Variants in GPC5 observed in about 807,000 individuals in gnomAD.
GPC5 encodes glypican-5.
A neutral mutation model predicts 53.9 loss-of-function variants in GPC5; 47 were observed. The ratio of observed to expected loss-of-function variants is 0.87; its 90% CI spans 0.69 to 1.11. The LOEUF is 1.11. Ranked by LOEUF, GPC5 falls within the 50% of genes most tolerant of loss-of-function variation. The pLI, the probability that GPC5 is intolerant of heterozygous loss-of-function variation, is 0.00. For missense variants in GPC5, 748 were observed against 713.1 expected (o/e 1.05, Z -0.56); for synonymous variants, 286 against 263.3 (o/e 1.09, Z -0.84).
intron 7 of GPC5, among the ~76,000 whole-genome samples, chr13:92,719,588 T>C (rs9561127): frequency 0.051 from 7,827 of 152,204 alleles, 582 homozygotes; most frequent in East Asian, 0.32. Flanking sequence ...TAAAAATAGA[T>C]TTATTTTCCA....
intron 7 of GPC5, among the ~76,000 whole-genome samples, chr13:92,858,594 T>G (rs772112330): frequency 6.6e-6 from 1 of 152,020 alleles, no homozygotes; most frequent in African/African-American, 2.4e-5. Context: ...TAGTTAACAG[T>G]GAGAGTTAAA....
intron 2 of GPC5, among the ~76,000 whole-genome samples, chr13:91,547,196 G>C (rs2030345567): frequency 6.6e-6 from 1 of 152,088 alleles, no homozygotes; most frequent in South Asian, 2.1e-4. Context: ...TATCCAACTA[G>C]AGATGTTCAG....
chr13:91,469,494 T>C (rs1435941352), intron 2 of GPC5, among the ~76,000 whole-genome samples: 1 of 151,488 alleles, frequency 6.6e-6, no homozygotes, highest in Admixed American at 6.6e-5. Flanking sequence ...CTTGAACTCT[T>C]GAGCACCAGG....
intron 5 of GPC5, among the ~76,000 whole-genome samples, chr13:91,779,889 C>G (rs1405079907): frequency 6.6e-6 from 1 of 151,220 alleles, no homozygotes; most frequent in Admixed American, 6.6e-5. Context: ...TTATAGTTAA[C>G]TTAAAAAAAA....
intron 6 of GPC5, among the ~76,000 whole-genome samples, chr13:92,000,510 G>GTT (rs1488420251): frequency 6.6e-6 from 1 of 152,074 alleles, no homozygotes; most frequent in Non-Finnish European, 1.5e-5. Flanking sequence ...TGTTTGGAAG[G>GTT]TTGTAGGAAT....
chr13:91,770,704 T>TGTGTGTG lies in GPC5; in HGVS notation c.1280+14284_1280+14285insGTGTGTG, dbSNP rs2037607543. On this transcript the variant is annotated intron_variant, in intron 5 of 7. Transcript: ENST00000377067. Reference sequence around the variant, plus strand: ...TTCAAAGACTGGGGAGACTGTGTGTTTGTGTGTGTGTGTGTGTGTGTGTGT... The same window carrying TGTGTGTG: ...TTCAAAGACTGGGGAGACTGTGTGTTGTGTGTGTGTGTGTGTGTGTGTGTGTGTGTGT... 5.8e-4 allele frequency among the ~76,000 whole-genome samples: 85 copies of TGTGTGTG among 145,652 alleles called. 1 individual carries two copies. The highest frequency in any genetic ancestry group is 2.9e-3 in the East Asian group (14 of 4,776).
At chr13:91,997,550 G>T (rs7329637) in intron 6 of GPC5, among the ~76,000 whole-genome samples, 1 of 152,070 alleles carries the variant, frequency 6.6e-6, no homozygotes, top group African/African-American at 2.4e-5. Flanking sequence ...ACAGAGTCTC[G>T]CTCTGTCACC....
At chr13:92,751,302 T>TAAAAAAAAAAAA (rs1566400471) in intron 7 of GPC5, among the ~76,000 whole-genome samples, 425 of 34,372 alleles carry the variant, frequency 0.012, 66 homozygotes, top group Non-Finnish European at 0.015. Context: ...CCAGAAACAT[T>TAAAAAAAAAAAA]TAAAAAAAAA....
At chr13:92,348,432 A>G (rs953831235) in intron 7 of GPC5, among the ~76,000 whole-genome samples, 1 of 152,140 alleles carries the variant, frequency 6.6e-6, no homozygotes, top group Non-Finnish European at 1.5e-5. Context: ...AAAATATAAA[A>G]CAAATATGAA....
chr13:92,561,237 C>T (rs560614682), intron 7 of GPC5, among the ~76,000 whole-genome samples: 138 of 151,940 alleles, frequency 9.1e-4, no homozygotes, highest in Admixed American at 1.9e-3. Flanking sequence ...TATTTACATA[C>T]GATCATTATA....
intron 7 of GPC5, among the ~76,000 whole-genome samples, chr13:92,326,180 A>T (rs1411811759): frequency 6.6e-6 from 1 of 152,126 alleles, no homozygotes; most frequent in African/African-American, 2.4e-5. Flanking sequence ...TATGAAAAGA[A>T]AATGAAAACA....
At chr13:91,805,209 C>T (rs1320390597) in intron 5 of GPC5, among the ~76,000 whole-genome samples, 5 of 152,072 alleles carry the variant, frequency 3.3e-5, no homozygotes, top group Non-Finnish European at 7.4e-5. Context: ...CACGGCCAAC[C>T]CTCAAGTTCC....
intron 6 of GPC5, among the ~76,000 whole-genome samples, chr13:92,098,580 A>G (rs2041440011): frequency 6.6e-6 from 1 of 152,172 alleles, no homozygotes; most frequent in Non-Finnish European, 1.5e-5. Context: ...AGGCAGAAAA[A>G]ATGCCCCCCC....
intron 7 of GPC5, among the ~76,000 whole-genome samples, chr13:92,315,981 TG>T (rs2043176603): frequency 2.0e-5 from 3 of 152,172 alleles, no homozygotes; most frequent in Admixed American, 2.0e-4. Context: ...AAGTTGTTCA[TG>T]TATAATATTT....
intron 2 of GPC5, among the ~76,000 whole-genome samples, chr13:91,559,372 C>T (rs559109553): frequency 7.2e-5 from 11 of 152,220 alleles, no homozygotes; most frequent in Admixed American, 2.0e-4. Context: ...ATGAGCTCAG[C>T]GCTTGAACTC....
At chr13:91,590,708 A>G (rs2032764649) in intron 2 of GPC5, among the ~76,000 whole-genome samples, 1 of 152,184 alleles carries the variant, frequency 6.6e-6, no homozygotes. Context: ...TTAATTTTAC[A>G]TGTTTCATTT....
Position 92,292,651 on chromosome 13 carries a change from C to T in GPC5, c.1561+147662C>T, listed in dbSNP as rs192896322. 3.0e-3 allele frequency among the ~76,000 whole-genome samples: 457 copies of T among 152,130 alleles called. 2 individuals are homozygous for T. The highest frequency in any genetic ancestry group is 5.6e-3 in the South Asian group (27 of 4,818). ...GTTTACTCGGCTATTTCTTTTGCCG[C>T]GCAAAAGCTCTTTAGTTTAATTAAG... On this transcript the variant is annotated intron_variant, in intron 7 of 7. Coordinates refer to ENST00000377067, the MANE Select transcript of GPC5 (RefSeq NM_004466.6).
rs779902515 is a variant in GPC5, at chr13:91,736,965, A to ATTT, written c.1154+8302_1154+8303insTTT. ...GTTACTTCAGATTATTATTATTATT[A>ATTT]TTATTATTTTTGATGGTAGTCCCAG... is the stretch of plus-strand genomic sequence containing the variant. On this transcript the variant is annotated intron_variant, in intron 4 of 7. Coordinates refer to ENST00000377067, the MANE Select transcript of GPC5 (RefSeq NM_004466.6). 3.6e-3 allele frequency among the ~76,000 whole-genome samples: 537 copies of ATTT among 149,778 alleles called. 2 individuals are homozygous for ATTT. Among genetic ancestry groups the ATTT allele is most frequent in the Non-Finnish European group, 4.1e-3 (279 of 67,740 alleles).
intron 6 of GPC5, among the ~76,000 whole-genome samples, chr13:92,058,809 G>T (rs937116763): frequency 3.9e-5 from 6 of 152,188 alleles, no homozygotes; most frequent in African/African-American, 1.2e-4. Flanking sequence ...CTCCCAAAGT[G>T]CTGGGATTAC....
Sources: gnomAD v4.1 joint callset for allele counts (sites outside exome capture counted in the v4.1 genomes callset) on GRCh38, gnomAD v4.1.1 for gene constraint, MANE v1.5 for transcripts, NCBI Gene and HGNC (gene_info 2026-07-23, HGNC 2026-07-21) for gene names.